Variants in SP110 observed in about 807,000 individuals in gnomAD.
SP110 encodes the protein interferon-induced protein 41, 30kD.
In SP110, 62 loss-of-function variants were observed where a neutral mutation model predicts 92.7. The observed-to-expected ratio is 0.67, with a 90% CI of 0.55 to 0.83. The LOEUF is 0.83. Among genes scored for constraint, SP110 ranks in the 40% least tolerant of loss-of-function variants. SP110 has a pLI of 0.00. For missense variants in SP110, 793 were observed against 863.9 expected, an observed-to-expected ratio of 0.92 and a Z score of 1.03; for synonymous variants, 273 against 305.3, an observed-to-expected ratio of 0.89 and a Z score of 1.10.
chr2:230,216,975 G>T, intron 1 of SP110, 47 bp from the exon 2 acceptor site: 1 of 1,571,206 alleles, frequency 6.4e-7, no homozygotes, highest in Admixed American at 1.8e-5. Flanking sequence ...GCTGGGCGCG[G>T]TGGCTCATGC....
At chr2:230,212,274 C>G in intron 5 of SP110, 73 bp downstream of exon 5, 1 of 1,135,186 alleles carries the variant, frequency 8.8e-7, no homozygotes, top group Non-Finnish European at 1.3e-6. Flanking sequence ...ACCATAGCCT[C>G]TTGGTTGGCA....
chr2:230,199,546 A>G (rs2148842856), intron 10 of SP110, among the ~76,000 whole-genome samples: 1 of 152,206 alleles, frequency 6.6e-6, no homozygotes, highest in East Asian at 1.9e-4. Flanking sequence ...CACTGCTTTT[A>G]GAAAAGTCCA....
chr2:230,206,595 T>TTATATATATATATATATATATATATATA (rs56817002), intron 8 of SP110, among the ~76,000 whole-genome samples: 2 of 70,528 alleles, frequency 2.8e-5, no homozygotes, highest in Admixed American at 1.8e-4. Flanking sequence ...GGTCCAGATT[T>TTATATATATATATATATATATATATATA]TATATATATA....
At position 230,168,918 on chromosome 2, in the gene SP110, T is replaced by TTAA. The variant is rs33940219; in HGVS notation, c.*205_*206insTTA. ...TCTGATGGTATTAAGGAAGTATTAA[T>TTAA]TTTTTTTTTTTTTAGTGTAGATATA... On this transcript the variant is annotated 3_prime_UTR_variant, in exon 19 of 19. Coordinates refer to ENST00000258381, the MANE Select transcript of SP110 (RefSeq NM_080424.4). 492 of 197,570 alleles carry TTAA rather than the reference T, an allele frequency of 2.5e-3. 2 individuals carry two copies. Among genetic ancestry groups the TTAA allele is most frequent in the Middle Eastern group, 3.4e-3 (3 of 876 alleles). 12.2% of individuals were successfully genotyped at this position (197,570 alleles called of 1,614,324 possible).
intron 14 of SP110, among the ~76,000 whole-genome samples, chr2:230,175,267 C>G (rs4474873): frequency 6.6e-6 from 1 of 152,162 alleles, no homozygotes; most frequent in Non-Finnish European, 1.5e-5. Flanking sequence ...TCCTGAAGCT[C>G]TCCTGACCAC....
chr2:230,178,098 TC>T, intron 13 of SP110, 58 bp downstream of exon 13: 1 of 1,029,838 alleles, frequency 9.7e-7, no homozygotes, highest in Non-Finnish European at 1.5e-6. Context: ...GGTATTTTCC[TC>T]CCTTCTAGTG....
chr2:230,177,281 C>T, intron 14 of SP110: 1 of 498,058 alleles, frequency 2.0e-6, no homozygotes, highest in Non-Finnish European at 3.6e-6. Context: ...TAGGTTCTTA[C>T]ATCTCTCTTC....
chr2:230,212,712 G>A (rs777025953), intron 4 of SP110, 49 bp downstream of exon 4: 1 of 1,608,228 alleles, frequency 6.2e-7, no homozygotes, highest in Non-Finnish European at 8.5e-7. Flanking sequence ...CATGGCACAG[G>A]CACCTTAGGC....
In SP110 at chr2:230,186,028, T is replaced by C. The variant is rs1439304313; in HGVS notation, c.1245A>G (p.Ala415=). ...TGGACTTTCGGGCACATTTAGTTCTTGCCTTTTGGACCCTCATCATGACCT... is the reference window on the plus strand; with the variant it reads ...TGGACTTTCGGGCACATTTAGTTCTCGCCTTTTGGACCCTCATCATGACCT... The part of the protein sequence containing the change: ...NSEVMMRVQK[A]RTKCARKSRL... Residue 415 remains alanine (A), a synonymous_variant, in exon 11 of 19, where the codon GCA becomes GCG. Transcript: ENST00000258381. 4 of 1,614,132 alleles carry C rather than the reference T, an allele frequency of 2.5e-6. No homozygotes were observed. The South Asian group carries it at 4.4e-5, about 18-fold the overall frequency.
chr2:230,176,747 G>GA, intron 14 of SP110: 1 of 1,613,586 alleles, frequency 6.2e-7, no homozygotes, highest in Non-Finnish European at 8.5e-7. Context: ...AGGAGTCAAT[G>GA]AATGAGGTTA....
chr2:230,199,488 C>T (rs2148842452), intron 10 of SP110, among the ~76,000 whole-genome samples: 1 of 152,146 alleles, frequency 6.6e-6, no homozygotes, highest in Non-Finnish European at 1.5e-5. Context: ...GGATTATAGG[C>T]ATGAGCCACT....
intron 8 of SP110, chr2:230,203,172 T>C (rs1319277649): frequency 5.1e-6 from 1 of 195,638 alleles, no homozygotes; most frequent in East Asian, 1.2e-4. Flanking sequence ...GTGCAAGGTA[T>C]TAAAAAAACT....
intron 14 of SP110, chr2:230,174,061 G>A (rs995718692): frequency 6.6e-6 from 1 of 152,176 alleles, no homozygotes; most frequent in African/African-American, 2.4e-5. Flanking sequence ...GACACACTCA[G>A]GACATTACTC....
chr2:230,165,895 C>CTT lies in SP110; in HGVS notation c.*3227_*3228dup, dbSNP rs34761414. On this transcript the variant is annotated 3_prime_UTR_variant, in exon 19 of 19. Coordinates refer to ENST00000258381, the MANE Select transcript of SP110 (RefSeq NM_080424.4). ...GACAGAAATAAGACCACCTATATAA[C>CTT]TTTTTTTTTTTTTTTTGAAACAGAG... Among the ~76,000 whole-genome samples, 19,880 of 138,842 alleles carry CTT rather than the reference C, an allele frequency of 0.14. 1,822 individuals are homozygous for CTT. Among genetic ancestry groups the CTT allele is most frequent in the Non-Finnish European group, 0.2 (13,045 of 65,108 alleles). The allele number at this position is 138,842 out of a possible 152,430, so 91.1% of individuals were successfully genotyped here.
intron 8 of SP110, among the ~76,000 whole-genome samples, chr2:230,204,446 G>A (rs2043532126): frequency 6.6e-6 from 1 of 152,144 alleles, no homozygotes; most frequent in African/African-American, 2.4e-5. Flanking sequence ...TTGGAGAATT[G>A]TATTGGAAAT....
chr2:230,174,881 C>A (rs139579551), intron 14 of SP110, among the ~76,000 whole-genome samples: 6 of 152,326 alleles, frequency 3.9e-5, no homozygotes, highest in African/African-American at 1.4e-4. Context: ...CATTCTCAGT[C>A]GGGTAAACCT....
At position 230,211,415 on chromosome 2, in the gene SP110, T is replaced by C. The variant is rs557542614; in HGVS notation, c.751+55A>G. On this transcript the variant is annotated intron_variant, in intron 6 of 18. Coordinates refer to ENST00000258381, the MANE Select transcript of SP110 (RefSeq NM_080424.4). The surrounding 1 kb of genome is among the most constrained non-coding windows in gnomAD (Gnocchi z 4.2). Reference sequence around the variant, plus strand: ...TCTAGAAGATCCGAATGGCTTTTCCTCTTAGTAAACACAGAAACAAAGGCA... The same window carrying C: ...TCTAGAAGATCCGAATGGCTTTTCCCCTTAGTAAACACAGAAACAAAGGCA... 2.6e-6 allele frequency: 3 copies of C among 1,134,526 alleles called. No homozygotes were observed. Among genetic ancestry groups the C allele is most frequent in the Non-Finnish European group, 4.0e-6 (3 of 742,216 alleles). The allele number at this position is 1,134,526 out of a possible 1,614,324, so 70.3% of individuals were successfully genotyped here. A position where few individuals can be genotyped will look rare whatever the true frequency, so the allele number is the denominator to read the frequency against.
Position 230,186,050 on chromosome 2 carries a change from A to G in SP110, c.1223T>C (p.Val408Ala), listed in dbSNP as rs1387425573. The G allele has an allele frequency of 1.9e-6, 3 of 1,613,810 alleles. No homozygotes were observed. The African/African-American group carries it at 4.0e-5, about 22-fold the overall frequency. Reference protein sequence around the residue: ...RKDDSTWNSEVMMRVQKARTK... With the variant: ...RKDDSTWNSEAMMRVQKARTK... Reference sequence around the variant, plus strand: ...TCTTGCCTTTTGGACCCTCATCATGACCTCTGAGTTCCAGGTTGAGTCGTC... The same window carrying G: ...TCTTGCCTTTTGGACCCTCATCATGGCCTCTGAGTTCCAGGTTGAGTCGTC... The change falls in exon 11 of 19, where the codon GTC becomes GCC. Residue 408 changes from valine to alanine, a missense_variant. Val to Ala is a moderately conservative substitution (Grantham distance 64). Coordinates refer to ENST00000258381, the MANE Select transcript of SP110 (RefSeq NM_080424.4).
intron 9 of SP110, 132 bp downstream of exon 9, chr2:230,202,447 T>C: frequency 3.7e-6 from 3 of 803,086 alleles, no homozygotes; most frequent in Non-Finnish European, 2.0e-6. Flanking sequence ...CCTCTTGTTA[T>C]ACCCCATCCT....
Sources: gnomAD v4.1 joint callset for allele counts (sites outside exome capture counted in the v4.1 genomes callset) on GRCh38, gnomAD v4.1.1 for gene constraint, Gnocchi (gnomAD v3.1) non-coding constraint, MANE v1.5 for transcripts, NCBI Gene and HGNC (gene_info 2026-07-23, HGNC 2026-07-21) for gene names.